The following TEX11 variants were observed in gnomAD, a reference collection of about 807,000 sequenced individuals.
The protein encoded by TEX11 is testis expressed 11, also known as testis-expressed protein 11.
Under a neutral mutation model 84.4 loss-of-function variants are expected in TEX11, and 7 were observed. The observed-to-expected ratio is 0.08, with a 90% CI of 0.05 to 0.16. The LOEUF is 0.16. Among genes scored for constraint, TEX11 ranks in the 10% least tolerant of loss-of-function variants. TEX11 has a pLI of 1.00. For missense variants in TEX11, 551 were observed against 660.5 expected, an observed-to-expected ratio of 0.83 and a Z score of 1.82; for synonymous variants, 264 against 222.8, an observed-to-expected ratio of 1.18 and a Z score of -1.64.
intron 24 of TEX11, among the ~76,000 whole-genome samples, chrX:70,599,180 G>A (rs970774439): frequency 9.0e-6 from 1 of 110,780 alleles, no homozygotes; most frequent in Non-Finnish European, 1.9e-5. Context: ...AAGAAATAAA[G>A]AAAATAAAGA....
At chrX:70,849,761 T>C (rs2091497597) in intron 7 of TEX11, among the ~76,000 whole-genome samples, 2 of 112,233 alleles carry the variant, frequency 1.8e-5, no homozygotes, top group African/African-American at 6.5e-5. Flanking sequence ...TCATCACTTA[T>C]CAAAGTCAAG....
intron 9 of TEX11, among the ~76,000 whole-genome samples, chrX:70,775,799 C>CAAAAAAAAA (rs55995616): frequency 1.1e-4 from 5 of 44,080 alleles, no homozygotes; most frequent in Admixed American, 4.2e-4. Context: ...GACTCCGTCT[C>CAAAAAAAAA]AAAAAAAAAA....
intron 11 of TEX11, among the ~76,000 whole-genome samples, chrX:70,738,500 G>A (rs2090712271): frequency 8.9e-6 from 1 of 112,121 alleles, no homozygotes; most frequent in South Asian, 3.7e-4. Context: ...CACTTTTGGT[G>A]GTAGTGTAAA....
At chrX:70,762,209 A>G (rs911843050) in intron 9 of TEX11, among the ~76,000 whole-genome samples, 3 of 112,200 alleles carry the variant, frequency 2.7e-5, no homozygotes, top group African/African-American at 9.7e-5. Flanking sequence ...GTAAGTAATC[A>G]CTTGAAGATA....
intron 11 of TEX11, among the ~76,000 whole-genome samples, chrX:70,729,782 G>A (rs1021565283): frequency 1.8e-5 from 2 of 111,242 alleles, no homozygotes; most frequent in African/African-American, 6.5e-5. Flanking sequence ...AGGCAGGCCA[G>A]CATTCAGATT....
chrX:70,710,925 C>T (rs2090424779), intron 13 of TEX11, among the ~76,000 whole-genome samples: 1 of 110,033 alleles, frequency 9.1e-6, no homozygotes, highest in African/African-American at 3.3e-5. Context: ...TCTCCTAATG[C>T]TATCCCTCCC....
At chrX:70,624,752 T>A (rs990963328) in intron 19 of TEX11, 87 bp downstream of exon 19, 1 of 710,757 alleles carries the variant, frequency 1.4e-6, no homozygotes. Context: ...TTCCTTGATC[T>A]CAATAGCACT....
At chrX:70,539,019 A>AATATATATATAT (rs971242983) in intron 28 of TEX11, among the ~76,000 whole-genome samples, 5 of 47,827 alleles carry the variant, frequency 1.0e-4, no homozygotes, top group African/African-American at 1.4e-4. Context: ...GACACTTGGA[A>AATATATATATAT]ATATATATAT....
At chrX:70,751,426 T>C (rs1187272434) in intron 9 of TEX11, among the ~76,000 whole-genome samples, 4 of 88,450 alleles carry the variant, frequency 4.5e-5, no homozygotes, top group African/African-American at 8.9e-5. Context: ...AGGTGGGAAT[T>C]GAACAATGAG....
At position 70,744,234 on chromosome X, in the gene TEX11, G is replaced by GAAA. The variant is rs5902674; in HGVS notation, c.693-18_693-16dup. 4.5e-4 allele frequency: 296 copies of GAAA among 662,669 alleles called. 3 individuals carry two copies. The East Asian group carries it at 7.6e-3, about 17-fold the overall frequency. 54.6% of individuals were successfully genotyped at this position (662,669 alleles called of 1,213,427 possible). A position where few individuals can be genotyped will look rare whatever the true frequency, so the allele number is the denominator to read the frequency against. On this transcript the variant is annotated splice_polypyrimidine_tract_variant and intron_variant, in intron 9 of 29. Transcript: ENST00000374333. ...CATAGCTTTGGCTATCATTAAAAAG[G>GAAA]AAAAAAAATATATATATATATATAA...
At chrX:70,708,577 G>C (rs1376071698) in intron 13 of TEX11, among the ~76,000 whole-genome samples, 1 of 111,978 alleles carries the variant, frequency 8.9e-6, no homozygotes, top group African/African-American at 3.2e-5. Context: ...ATTGGATAAA[G>C]AAGATGTGGT....
intron 16 of TEX11, among the ~76,000 whole-genome samples, chrX:70,660,855 G>A (rs1252830423): frequency 8.9e-6 from 1 of 112,255 alleles, no homozygotes; most frequent in African/African-American, 3.2e-5. Context: ...GGCCAACTTG[G>A]TGAAATCCCG....
chrX:70,551,104 A>G (rs908114951), intron 28 of TEX11, among the ~76,000 whole-genome samples: 1 of 111,655 alleles, frequency 9.0e-6, no homozygotes, highest in Admixed American at 9.6e-5. Flanking sequence ...TTGCAACAAC[A>G]TGGATGGAAC....
chrX:70,801,625 TTTTCTTTC>T (rs200925505), intron 9 of TEX11, among the ~76,000 whole-genome samples: 10,462 of 88,534 alleles, frequency 0.12, 621 homozygotes, highest in African/African-American at 0.15. Flanking sequence ...TTTTCTTTTA[TTTTCTTTC>T]TTTCTTTCTT....
intron 8 of TEX11, among the ~76,000 whole-genome samples, chrX:70,809,692 C>T (rs1293464162): frequency 1.8e-5 from 2 of 110,559 alleles, no homozygotes; most frequent in African/African-American, 3.3e-5. Flanking sequence ...CTTGGTTTTT[C>T]GGGGTTAGTT....
chrX:70,555,391 T>C (rs1249343049), intron 25 of TEX11, among the ~76,000 whole-genome samples: 1 of 112,219 alleles, frequency 8.9e-6, no homozygotes, highest in East Asian at 2.8e-4. Context: ...GAAAAATGTT[T>C]TGAGGTATGA....
intron 25 of TEX11, among the ~76,000 whole-genome samples, chrX:70,580,916 A>G (rs1418772037): frequency 8.9e-6 from 1 of 112,030 alleles, no homozygotes; most frequent in East Asian, 2.8e-4. Flanking sequence ...GAGTTCATTA[A>G]TGGATAATCA....
At chrX:70,629,299 T>C (rs1603164217) in intron 18 of TEX11, among the ~76,000 whole-genome samples, 1 of 112,490 alleles carries the variant, frequency 8.9e-6, no homozygotes, top group East Asian at 2.8e-4. Context: ...TAAGTTTCTA[T>C]ATAGATAGCT....
chrX:70,809,967 G>A (rs919363160), intron 8 of TEX11, among the ~76,000 whole-genome samples: 1 of 112,043 alleles, frequency 8.9e-6, no homozygotes, highest in Non-Finnish European at 1.9e-5. Context: ...CATGCAACAA[G>A]TAGGCATTAA....
Sources: gnomAD v4.1 joint callset for allele counts (sites outside exome capture counted in the v4.1 genomes callset) on GRCh38, gnomAD v4.1.1 for gene constraint, MANE v1.5 for transcripts, NCBI Gene and HGNC (gene_info 2026-07-23, HGNC 2026-07-21) for gene names.